The following MEF2A variants were observed in gnomAD, a reference collection of about 807,000 sequenced individuals.
The protein encoded by MEF2A is myocyte-specific enhancer factor 2A.
Under a neutral mutation model 55.8 loss-of-function variants are expected in MEF2A, and 28 were observed. The observed-to-expected ratio is 0.50, with a 90% CI of 0.37 to 0.69. The LOEUF (loss-of-function observed/expected upper bound fraction) is 0.69, where lower values mean the gene tolerates loss of function less well. Among genes scored for constraint, MEF2A ranks in the 30% least tolerant of loss-of-function variants. The pLI, the probability that MEF2A is intolerant of heterozygous loss-of-function variation, is 0.00. For synonymous variants in MEF2A, 239 were observed against 227.1 expected (o/e 1.05, Z -0.47); for missense variants, 528 against 626.2 (o/e 0.84, Z 1.67).
intron 1 of MEF2A, among the ~76,000 whole-genome samples, chr15:99,592,041 G>A (rs1969471983): frequency 6.6e-6 from 1 of 152,042 alleles, no homozygotes; most frequent in African/African-American, 2.4e-5. Context: ...TCATCACACT[G>A]TTGTCTGGAT....
rs1959193998 is a variant in MEF2A at position 99,566,117 on chromosome 15, G to A, written c.-225+13G>A. On this transcript the variant is annotated intron_variant, in intron 1 of 11. Transcript: ENST00000557942. The stretch of plus-strand genomic sequence containing the variant: ...CTCCGGAGATACGGTGAGGGCCGCG[G>A]GCAGCGGGGCTCAGTCCGCGACGCC... 6.6e-6 allele frequency: 1 copy of A among 152,052 alleles called. No individual in the cohort carries two copies. Among genetic ancestry groups the A allele is most frequent in the Non-Finnish European group, 1.5e-5 (1 of 68,214 alleles). 9.4% of individuals were successfully genotyped at this position (152,052 alleles called of 1,614,324 possible).
intron 2 of MEF2A, among the ~76,000 whole-genome samples, chr15:99,601,843 GTGTGTGTGTGTGTGTC>G (rs780988049): frequency 0.016 from 1,992 of 127,068 alleles, 34 homozygotes; most frequent in African/African-American, 0.04. Flanking sequence ...GTGTGTGTGT[GTGTGTGTGTGTGTGTC>G]AGGGTAATGC....
chr15:99,653,216 T>G (rs1043369346), intron 4 of MEF2A, among the ~76,000 whole-genome samples: 8 of 152,202 alleles, frequency 5.3e-5, no homozygotes, highest in Non-Finnish European at 1.2e-4. Flanking sequence ...CTTTCAGTTC[T>G]CTTATATATA....
At chr15:99,635,536 A>G (rs1030337274) in intron 3 of MEF2A, among the ~76,000 whole-genome samples, 5 of 152,182 alleles carry the variant, frequency 3.3e-5, no homozygotes, top group Non-Finnish European at 2.9e-5. Context: ...ACAAAGAAGA[A>G]GACCGTGTAG....
chr15:99,624,123 C>T (rs776060032), intron 2 of MEF2A, among the ~76,000 whole-genome samples: 1 of 152,126 alleles, frequency 6.6e-6, no homozygotes, highest in Non-Finnish European at 1.5e-5. Flanking sequence ...CAGTTATTAT[C>T]TTTCATTTGG....
intron 4 of MEF2A, among the ~76,000 whole-genome samples, chr15:99,646,736 T>C (rs1488826005): frequency 6.6e-6 from 1 of 152,116 alleles, no homozygotes; most frequent in Non-Finnish European, 1.5e-5. Context: ...CCTCCTCAAG[T>C]TGTTATTGTT....
chr15:99,592,770 G>A (rs541024692), intron 1 of MEF2A, among the ~76,000 whole-genome samples: 68 of 152,180 alleles, frequency 4.5e-4, no homozygotes, highest in African/African-American at 1.6e-3. Context: ...ACTACCAAGA[G>A]GAGGGCACCA....
At chr15:99,686,495 C>T (rs1383974427) in intron 7 of MEF2A, among the ~76,000 whole-genome samples, 1 of 152,142 alleles carries the variant, frequency 6.6e-6, no homozygotes, top group Non-Finnish European at 1.5e-5. Flanking sequence ...TTGCTGGGTA[C>T]AGAACTCTTG....
At chr15:99,701,015 G>C (rs915094361) in intron 8 of MEF2A, among the ~76,000 whole-genome samples, 1 of 152,156 alleles carries the variant, frequency 6.6e-6, no homozygotes, top group Non-Finnish European at 1.5e-5. Context: ...ACAGTACAAT[G>C]GTAATTGTTG....
chr15:99,699,057 T>TAA (rs75522794), intron 8 of MEF2A, among the ~76,000 whole-genome samples: 1 of 134,512 alleles, frequency 7.4e-6, no homozygotes. Flanking sequence ...TCTTAAAAAT[T>TAA]AAAAAAAAAA....
chr15:99,648,592 C>T lies in MEF2A; in HGVS notation c.258+2828C>T, dbSNP rs149271185. On this transcript the variant is annotated intron_variant, in intron 4 of 11. Transcript: ENST00000557942. ...ATTATGTAAGCAATAATGACACAAA[C>T]TCTGAAAACAACAACTTCCATAAGG... Among the ~76,000 whole-genome samples the T allele has an allele frequency of 5.4e-3, 818 of 152,138 alleles. 7 individuals are homozygous for T. The highest frequency in any genetic ancestry group is 7.3e-3 in the Non-Finnish European group (493 of 67,992).
Position 99,712,680 on chromosome 15 carries a change from A to T in MEF2A, c.1427A>T (p.His476Leu). The T allele has an allele frequency of 6.4e-7, 1 of 1,560,270 alleles. No homozygotes were observed. Among genetic ancestry groups the T allele is most frequent in the Non-Finnish European group, 8.7e-7 (1 of 1,151,956 alleles). ...CGGGAGGATCCACGGGGCGACTTCC[A>T]TTCTCCAATTGTGCTTGGCCGACCC... ...SDREDPRGDF[H>L]SPIVLGRPPN... is the part of the protein sequence containing the mutation. The change falls in exon 12 of 12, where the codon CAT (histidine) becomes CTT (leucine). Residue 476 changes from histidine (H) to leucine (L), a missense_variant. Around this residue, in one of 2 missense-constraint regions of MEF2A, gnomAD observed 450 missense variants for 475.3 expected, o/e 0.95. Transcript: ENST00000557942. This position sits in a 1 kb window ranked among gnomAD's most constrained non-coding sequence, Gnocchi z 4.1.
At chr15:99,641,223 A>T (rs2044859011) in intron 3 of MEF2A, among the ~76,000 whole-genome samples, 1 of 152,104 alleles carries the variant, frequency 6.6e-6, no homozygotes, top group South Asian at 2.1e-4. Flanking sequence ...AATGGTTGAG[A>T]AGTCACCCTG....
intron 4 of MEF2A, 110 bp from the exon 5 acceptor site, chr15:99,671,213 G>A (rs2050800293): frequency 8.7e-7 from 1 of 1,145,580 alleles, no homozygotes; most frequent in South Asian, 1.9e-5. Flanking sequence ...CCGTTTCAGT[G>A]GCTCTTGTAT....
intron 9 of MEF2A, among the ~76,000 whole-genome samples, chr15:99,703,654 AT>A (rs3216755): frequency 0.36 from 54,160 of 150,904 alleles, 10,951 homozygotes; most frequent in Middle Eastern, 0.49. Context: ...ATACTTGTTA[AT>A]TTTTTTTTTA....
chr15:99,636,507 G>A (rs1022188309), intron 3 of MEF2A, among the ~76,000 whole-genome samples: 1 of 151,776 alleles, frequency 6.6e-6, no homozygotes, highest in South Asian at 2.1e-4. Flanking sequence ...CACTAGGGCC[G>A]ACCCATTCTT....
chr15:99,697,488 A>G (rs1003883067), intron 8 of MEF2A, among the ~76,000 whole-genome samples: 3 of 149,548 alleles, frequency 2.0e-5, no homozygotes, highest in African/African-American at 7.7e-5. Context: ...CACCCCAAAT[A>G]AAGGAAGGAA....
chr15:99,625,284 T>G (rs1767902014), intron 2 of MEF2A, among the ~76,000 whole-genome samples: 1 of 152,186 alleles, frequency 6.6e-6, no homozygotes, highest in Admixed American at 6.5e-5. Context: ...GTTTGTGTGT[T>G]GATTTTGTAT....
chr15:99,698,378 A>G (rs2056831949), intron 8 of MEF2A, among the ~76,000 whole-genome samples: 1 of 152,252 alleles, frequency 6.6e-6, no homozygotes, highest in Non-Finnish European at 1.5e-5. Context: ...TACTTCAAAA[A>G]GAAGATACAT....
Sources: allele counts gnomAD v4.1 joint callset (sites outside exome capture counted in the v4.1 genomes callset), GRCh38; gene constraint gnomAD v4.1.1; regional missense constraint gnomAD v4.1.1; non-coding constraint Gnocchi (gnomAD v3.1); transcripts MANE v1.5; gene names NCBI Gene and HGNC (gene_info 2026-07-23, HGNC 2026-07-21).